The following ELAVL2 variants were observed in gnomAD, a reference collection of about 807,000 sequenced individuals.
The protein encoded by ELAVL2 is ELAV like RNA binding protein 2.
Under a neutral mutation model 34.6 loss-of-function variants are expected in ELAVL2, and 4 were observed. The ratio of observed to expected loss-of-function variants is 0.12; its 90% confidence interval spans 0.06 to 0.26. The LOEUF (loss-of-function observed/expected upper bound fraction) is 0.26, where lower values mean the gene tolerates loss of function less well. Among genes scored for constraint, ELAVL2 ranks in the 10% least tolerant of loss-of-function variants. The pLI is 1.00. For missense variants in ELAVL2, 432 were observed against 442.8 expected (o/e 0.98, Z 0.22); for synonymous variants, 193 against 154.8 (o/e 1.25, Z -1.83).
chr9:23,740,473 C>A (rs900188211), intron 2 of ELAVL2, among the ~76,000 whole-genome samples: 4 of 152,126 alleles, frequency 2.6e-5, no homozygotes, highest in Admixed American at 2.6e-4. Context: ...TTGCCTTTGG[C>A]CATGTGTGGA....
At chr9:23,709,311 C>G (rs1265386533) in intron 3 of ELAVL2, among the ~76,000 whole-genome samples, 2 of 152,106 alleles carry the variant, frequency 1.3e-5, no homozygotes, top group Admixed American at 6.5e-5. Flanking sequence ...GTATTTAGAC[C>G]TAAGTGGGAA....
At chr9:23,699,111 G>A (rs1004892348) in intron 5 of ELAVL2, among the ~76,000 whole-genome samples, 1 of 152,096 alleles carries the variant, frequency 6.6e-6, no homozygotes, top group Non-Finnish European at 1.5e-5. Context: ...ATAACATATG[G>A]TACTAAAAGA....
intron 5 of ELAVL2, among the ~76,000 whole-genome samples, chr9:23,694,402 T>C (rs1587164010): frequency 6.6e-6 from 1 of 152,324 alleles, no homozygotes; most frequent in Admixed American, 6.5e-5. Flanking sequence ...ACCACTCTAA[T>C]GTCCCAAATT....
At chr9:23,757,232 C>G (rs770463905) in intron 2 of ELAVL2, among the ~76,000 whole-genome samples, 2 of 152,116 alleles carry the variant, frequency 1.3e-5, no homozygotes, top group African/African-American at 4.8e-5. Flanking sequence ...AAGACACACT[C>G]GCCAGAAGAT....
chr9:23,804,957 A>G (rs568353938), intron 1 of ELAVL2, among the ~76,000 whole-genome samples: 12 of 152,198 alleles, frequency 7.9e-5, no homozygotes, highest in Non-Finnish European at 1.6e-4. Flanking sequence ...CTTGTTATAT[A>G]TAAGAAATGT....
At chr9:23,770,143 G>T (rs1205634763) in intron 1 of ELAVL2, among the ~76,000 whole-genome samples, 1 of 152,196 alleles carries the variant, frequency 6.6e-6, no homozygotes, top group Non-Finnish European at 1.5e-5. Flanking sequence ...GCTGTGGATG[G>T]TGTGTGCAGA....
At chr9:23,834,477 C>T in the ELAVL2 span, among the ~76,000 whole-genome samples, 2 of 151,808 alleles carry the variant, frequency 1.3e-5, no homozygotes, top group Non-Finnish European at 2.9e-5. Flanking sequence ...GATAATAATG[C>T]CTAATTTAGA....
chr9:23,797,645 G>C (rs1203819415), intron 1 of ELAVL2, among the ~76,000 whole-genome samples: 1 of 152,212 alleles, frequency 6.6e-6, no homozygotes, highest in African/African-American at 2.4e-5. Flanking sequence ...AAAAGTATGG[G>C]ATGCGGGCGT....
chr9:23,699,165 A>T (rs186571221), intron 5 of ELAVL2, among the ~76,000 whole-genome samples: 15 of 152,328 alleles, frequency 9.8e-5, no homozygotes, highest in Admixed American at 9.8e-4. Context: ...AAATTTGACC[A>T]TAAGAACATC....
At chr9:23,713,981 C>T (rs2041681798) in intron 3 of ELAVL2, among the ~76,000 whole-genome samples, 1 of 152,178 alleles carries the variant, frequency 6.6e-6, no homozygotes, top group Admixed American at 6.5e-5. Context: ...AATCACAGTA[C>T]TTACCTCATG....
chr9:23,809,540 G>A (rs938432843), intron 1 of ELAVL2, among the ~76,000 whole-genome samples: 1 of 152,136 alleles, frequency 6.6e-6, no homozygotes, highest in Non-Finnish European at 1.5e-5. Context: ...TGTAGAGATT[G>A]AAATTCTAGT....
At chr9:23,808,419 A>C (rs1344137294) in intron 1 of ELAVL2, among the ~76,000 whole-genome samples, 1 of 152,162 alleles carries the variant, frequency 6.6e-6, no homozygotes, top group Non-Finnish European at 1.5e-5. Flanking sequence ...AATATTTACT[A>C]AACAAATGAA....
At chr9:23,751,055 T>A (rs968082220) in intron 2 of ELAVL2, among the ~76,000 whole-genome samples, 1 of 152,006 alleles carries the variant, frequency 6.6e-6, no homozygotes, top group African/African-American at 2.4e-5. Flanking sequence ...AAGGGCCCCA[T>A]CAGATCTACT....
At chr9:23,794,238 C>T (rs1465020248) in intron 1 of ELAVL2, among the ~76,000 whole-genome samples, 1 of 152,176 alleles carries the variant, frequency 6.6e-6, no homozygotes, top group African/African-American at 2.4e-5. Context: ...ATGACATCTA[C>T]AATCAGGGCC....
intron 5 of ELAVL2, among the ~76,000 whole-genome samples, chr9:23,695,000 G>A (rs2034624978): frequency 6.6e-6 from 1 of 152,118 alleles, no homozygotes; most frequent in Non-Finnish European, 1.5e-5. Flanking sequence ...CCAAAATTAT[G>A]GTCAACTTAG....
At chr9:23,776,416 A>C (rs1588386704) in intron 1 of ELAVL2, among the ~76,000 whole-genome samples, 1 of 152,180 alleles carries the variant, frequency 6.6e-6, no homozygotes, top group South Asian at 2.1e-4. Context: ...TGTAAAATCA[A>C]GAGGAAACCT....
chr9:23,772,711 A>C, intron 1 of ELAVL2, among the ~76,000 whole-genome samples: 1 of 152,322 alleles, frequency 6.6e-6, no homozygotes, highest in South Asian at 2.1e-4. Flanking sequence ...TGATCAATAC[A>C]GACAGCTTCC....
chr9:23,716,169 G>A (rs569097585), intron 3 of ELAVL2, among the ~76,000 whole-genome samples: 1 of 135,560 alleles, frequency 7.4e-6, no homozygotes, highest in African/African-American at 2.8e-5. Flanking sequence ...CTGTTGTCGG[G>A]TTGGGGGAGG....
At chr9:23,829,003 A>C (rs1229535773), upstream of ELAVL2, among the ~76,000 whole-genome samples, 1 of 152,246 alleles carries the variant, frequency 6.6e-6, no homozygotes, top group Non-Finnish European at 1.5e-5. Flanking sequence ...AGAATAAGCA[A>C]AAAATGCAAT....
Sources: gnomAD v4.1 joint callset for allele counts (sites outside exome capture counted in the v4.1 genomes callset) on GRCh38, gnomAD v4.1.1 for gene constraint, MANE v1.5 for transcripts, NCBI Gene and HGNC (gene_info 2026-07-23, HGNC 2026-07-21) for gene names.